Variants in SNW1 observed in about 807,000 individuals in gnomAD.
The protein encoded by SNW1 is SNW domain containing 1.
SNW1 carries 9 observed loss-of-function variants against 75.6 expected under a neutral mutation model. The ratio of observed to expected loss-of-function variants is 0.12; its 90% CI spans 0.07 to 0.21. The LOEUF (loss-of-function observed/expected upper bound fraction) is 0.21. SNW1 is among the 10% of genes least tolerant of loss of function. The pLI, the probability that SNW1 is intolerant of heterozygous loss-of-function variation, is 1.00. For missense variants in SNW1, 409 were observed against 670.9 expected (o/e 0.61, Z 4.31); for synonymous variants, 200 against 219.1 (o/e 0.91, Z 0.77).
At chr14:77,755,618 C>T (rs1361388842) in intron 1 of SNW1, among the ~76,000 whole-genome samples, 1 of 152,030 alleles carries the variant, frequency 6.6e-6, no homozygotes, top group Non-Finnish European at 1.5e-5. Context: ...GGGGTTTCAC[C>T]ATGTTGGCCA....
At chr14:77,730,889 A>G (rs2080622394) in intron 10 of SNW1, 99 bp downstream of exon 10, 1 of 1,278,934 alleles carries the variant, frequency 7.8e-7, no homozygotes, top group Non-Finnish European at 1.1e-6. Flanking sequence ...AATTTTGTTT[A>G]TATGTACCTA....
At chr14:77,726,602 C>T (rs55816693) in intron 10 of SNW1, among the ~76,000 whole-genome samples, 1 of 152,108 alleles carries the variant, frequency 6.6e-6, no homozygotes, top group Non-Finnish European at 1.5e-5. Context: ...GGCAGATCAC[C>T]TGAGGTCTGA....
At chr14:77,746,975 T>G (rs1251866225) in intron 3 of SNW1, among the ~76,000 whole-genome samples, 1 of 151,218 alleles carries the variant, frequency 6.6e-6, no homozygotes, top group Non-Finnish European at 1.5e-5. Context: ...GAGCCGAGGC[T>G]GGACTGTGCT....
At chr14:77,722,028 G>A (rs1477752794) in intron 11 of SNW1, among the ~76,000 whole-genome samples, 2 of 152,196 alleles carry the variant, frequency 1.3e-5, no homozygotes, top group Non-Finnish European at 2.9e-5. Flanking sequence ...GATTACAGGT[G>A]TCAGCCACTG....
chr14:77,718,529 C>T lies in SNW1; in HGVS notation c.1250G>A (p.Gly417Asp). 1 of 1,565,702 alleles carries T rather than the reference C, an allele frequency of 6.4e-7. No individual in the cohort carries two copies. The highest frequency in any genetic ancestry group is 8.7e-7 in the Non-Finnish European group (1 of 1,151,176). Residue 417 changes from glycine (G) to aspartate (D), a missense_variant and splice_region_variant, in exon 13 of 14, where the codon GGT becomes GAT. Physicochemically the swap from Gly to Asp is moderately conservative, Grantham distance 94. Transcript: ENST00000261531. ...TCCACCTGCAAATCCACTGTCCATA[C>T]CCTGTGGAAAAATGGATGACATTAA... ...YDQRLFNQSK[G>D]MDSGFAGGED...
intron 10 of SNW1, among the ~76,000 whole-genome samples, chr14:77,728,869 C>A (rs956417017): frequency 2.0e-5 from 3 of 152,134 alleles, no homozygotes; most frequent in African/African-American, 7.2e-5. Flanking sequence ...ATAAGAAGCA[C>A]CTGATAAATG....
chr14:77,727,371 G>A (rs2080594085), intron 10 of SNW1, among the ~76,000 whole-genome samples: 1 of 152,058 alleles, frequency 6.6e-6, no homozygotes, highest in Non-Finnish European at 1.5e-5. Flanking sequence ...CAATCTGGAT[G>A]CCCTTTATTT....
In SNW1 at chr14:77,720,944, T is replaced by A. The variant is rs553533643; in HGVS notation, c.1131-116A>T. Reference sequence around the variant, plus strand: ...GATGTGAATATGTCACATTCACATCTTGTGAACATATATTCCTTGATGATA... The same window carrying A: ...GATGTGAATATGTCACATTCACATCATGTGAACATATATTCCTTGATGATA... On this transcript the variant is annotated intron_variant, in intron 11 of 13. Transcript: ENST00000261531. 4.2e-5 allele frequency: 30 copies of A among 714,780 alleles called. No individual in the cohort carries two copies. The South Asian group carries it at 5.0e-4, about 12-fold the overall frequency. The allele number at this position is 714,780 out of a possible 1,614,324, so 44.3% of individuals were successfully genotyped here.
intron 3 of SNW1, among the ~76,000 whole-genome samples, chr14:77,744,691 C>T (rs189242658): frequency 4.5e-4 from 68 of 152,096 alleles, no homozygotes; most frequent in East Asian, 1.7e-3. Context: ...TAATGCAAAA[C>T]GGACCAAAGC....
At chr14:77,749,070 T>C (rs2080787186) in intron 3 of SNW1, among the ~76,000 whole-genome samples, 1 of 152,186 alleles carries the variant, frequency 6.6e-6, no homozygotes. Context: ...TAGGGAAATC[T>C]AGATACACTT....
chr14:77,724,829 T>C (rs2080572056), intron 10 of SNW1, among the ~76,000 whole-genome samples: 1 of 152,210 alleles, frequency 6.6e-6, no homozygotes, highest in Non-Finnish European at 1.5e-5. Flanking sequence ...ATATCCCTTT[T>C]TGATTTGATA....
chr14:77,724,149 C>T (rs1465685027), intron 10 of SNW1, among the ~76,000 whole-genome samples: 3 of 152,016 alleles, frequency 2.0e-5, no homozygotes, highest in Non-Finnish European at 2.9e-5. Context: ...GAAAGATGGG[C>T]AAATATGTGA....
chr14:77,718,584 C>A (rs898062504), intron 12 of SNW1, 54 bp from the exon 13 acceptor site: 2 of 1,218,616 alleles, frequency 1.6e-6, no homozygotes, highest in African/African-American at 3.0e-5. Flanking sequence ...TTATCAAAAG[C>A]TGAATCATAA....
In SNW1 at chr14:77,718,148, G is replaced by A; in HGVS notation, c.1551C>T (p.Pro517=). 2 of 1,612,426 alleles carry A rather than the reference G, an allele frequency of 1.2e-6. No homozygotes were observed. The highest frequency in any genetic ancestry group is 1.7e-6 in the Non-Finnish European group (2 of 1,179,408). Residue 517 remains proline (P), a synonymous_variant, in exon 14 of 14, where the codon CCC becomes CCT. Coordinates refer to ENST00000261531, the MANE Select transcript of SNW1 (RefSeq NM_012245.3). ...GTTCCTTGGGGCGGCTGCTATCTGA[G>A]GGTCTTTTAGAGCCACCATGCTGTT... ...EAKQHGGSKR[P]SDSSRPKEHE... is the part of the protein sequence containing the mutation.
intron 12 of SNW1, 54 bp from the exon 13 acceptor site, chr14:77,718,584 C>T (rs898062504): frequency 1.6e-6 from 2 of 1,218,736 alleles, no homozygotes. Context: ...TTATCAAAAG[C>T]TGAATCATAA....
chr14:77,735,901 G>A, intron 7 of SNW1, 36 bp downstream of exon 7: 1 of 1,552,774 alleles, frequency 6.4e-7, no homozygotes, highest in Non-Finnish European at 8.9e-7. Context: ...ATAACCATGA[G>A]TAGAAAAAAA....
intron 6 of SNW1, 100 bp downstream of exon 6, chr14:77,736,871 T>C (rs895465507): frequency 3.6e-5 from 29 of 811,390 alleles, no homozygotes; most frequent in Non-Finnish European, 5.5e-5. Context: ...GGAATCATAC[T>C]GTATGTACTT....
At chr14:77,752,490 G>A (rs2080816391) in intron 2 of SNW1, among the ~76,000 whole-genome samples, 7 of 152,130 alleles carry the variant, frequency 4.6e-5, no homozygotes, top group Admixed American at 4.6e-4. Flanking sequence ...ATTCACACAT[G>A]TATTATCTCA....
intron 3 of SNW1, among the ~76,000 whole-genome samples, chr14:77,748,963 T>C (rs1179300333): frequency 1.3e-5 from 2 of 152,128 alleles, no homozygotes; most frequent in Non-Finnish European, 2.9e-5. Context: ...CATAAACAAT[T>C]AGGAAAATAT....
Sources: gnomAD v4.1 joint callset for allele counts (sites outside exome capture counted in the v4.1 genomes callset) on GRCh38, gnomAD v4.1.1 for gene constraint, MANE v1.5 for transcripts, NCBI Gene and HGNC (gene_info 2026-07-23, HGNC 2026-07-21) for gene names.